The following CFAP61 variants were observed in gnomAD, a reference collection of about 807,000 sequenced individuals.
CFAP61 encodes the protein cilia and flagella associated protein 61, also known as cilia- and flagella-associated protein 61.
Under a neutral mutation model 135.6 loss-of-function variants are expected in CFAP61, and 107 were observed. That is an observed-to-expected ratio of 0.79 (90% CI 0.67 to 0.93). The LOEUF is 0.93. CFAP61 is among the 40% of genes least tolerant of loss of function. The pLI is 0.00. For synonymous variants in CFAP61, 575 were observed against 578.5 expected, an observed-to-expected ratio of 0.99 and a Z score of 0.09; for missense variants, 1,507 against 1,556.2, an observed-to-expected ratio of 0.97 and a Z score of 0.53.
intron 8 of CFAP61, among the ~76,000 whole-genome samples, chr20:20,128,337 C>T (rs892962323): frequency 1.3e-5 from 2 of 151,752 alleles, no homozygotes; most frequent in Admixed American, 1.3e-4. Flanking sequence ...TGCCTGGGAA[C>T]CCAGCGAGTT....
intron 25 of CFAP61, among the ~76,000 whole-genome samples, chr20:20,323,587 C>T (rs1166956228): frequency 1.3e-5 from 2 of 152,162 alleles, no homozygotes; most frequent in East Asian, 3.8e-4. Flanking sequence ...TGCACAGAGC[C>T]AGTATCCAAA....
At chr20:20,085,741 A>G (rs2046756970) in intron 6 of CFAP61, among the ~76,000 whole-genome samples, 1 of 152,186 alleles carries the variant, frequency 6.6e-6, no homozygotes, top group African/African-American at 2.4e-5. Flanking sequence ...TTATTGAATT[A>G]TTTTTCCATT....
At chr20:20,135,780 T>C (rs55647212) in intron 8 of CFAP61, among the ~76,000 whole-genome samples, 19,245 of 152,218 alleles carry the variant, frequency 0.13, 1,389 homozygotes, top group Non-Finnish European at 0.15. Flanking sequence ...CATACCATAA[T>C]TACAGTGTTA....
At chr20:20,087,014 A>G (rs1003678685) in intron 6 of CFAP61, among the ~76,000 whole-genome samples, 2 of 152,212 alleles carry the variant, frequency 1.3e-5, no homozygotes, top group African/African-American at 4.8e-5. Flanking sequence ...GTCTCCTTCT[A>G]GAGACAATAA....
At chr20:20,241,567 A>G (rs2050016315) in intron 18 of CFAP61, among the ~76,000 whole-genome samples, 1 of 152,224 alleles carries the variant, frequency 6.6e-6, no homozygotes, top group Admixed American at 6.5e-5. Context: ...GGTAATTTAT[A>G]AATCATCTGA....
chr20:20,355,688 C>G (rs2059092130), intron 26 of CFAP61, among the ~76,000 whole-genome samples: 3 of 130,590 alleles, frequency 2.3e-5, no homozygotes, highest in Non-Finnish European at 3.2e-5. Context: ...GGGAGGTGGT[C>G]ACACTGTGAG....
intron 2 of CFAP61, among the ~76,000 whole-genome samples, chr20:20,063,294 C>G (rs569175579): frequency 1.3e-5 from 2 of 152,022 alleles, no homozygotes; most frequent in Non-Finnish European, 2.9e-5. Context: ...GGAAAGTTAA[C>G]GGCCAATCTC....
At chr20:20,335,569 A>T (rs2058156373) in intron 25 of CFAP61, among the ~76,000 whole-genome samples, 1 of 152,176 alleles carries the variant, frequency 6.6e-6, no homozygotes, top group African/African-American at 2.4e-5. Flanking sequence ...CCCATACTTC[A>T]TCCCAGAACA....
chr20:20,173,275 G>C (rs746635751), intron 13 of CFAP61, among the ~76,000 whole-genome samples: 1 of 152,170 alleles, frequency 6.6e-6, no homozygotes, highest in Non-Finnish European at 1.5e-5. Flanking sequence ...AAAGTTTTCA[G>C]CTCATTTAGA....
intron 2 of CFAP61, among the ~76,000 whole-genome samples, chr20:20,068,264 A>C (rs16981514): frequency 0.08 from 12,120 of 152,200 alleles, 1,343 homozygotes; most frequent in East Asian, 0.6. Context: ...CGTCTTGTGC[A>C]TTTTCTCATC....
At chr20:20,339,039 G>A (rs992667057) in intron 25 of CFAP61, among the ~76,000 whole-genome samples, 4 of 152,144 alleles carry the variant, frequency 2.6e-5, no homozygotes, top group Admixed American at 2.0e-4. Flanking sequence ...GTCTTGAAGA[G>A]GTATAACTTT....
In CFAP61 at chr20:20,360,116, C is replaced by G. The variant is rs143222097; in HGVS notation, c.3514-94C>G. On this transcript the variant is annotated intron_variant, in intron 26 of 26. Coordinates refer to ENST00000245957, the MANE Select transcript of CFAP61 (RefSeq NM_015585.4). ...AAAAAAAATGACCATCCTTGCAGAG[C>G]TGACTACTGTTGTTTTCATTCTCAT... 27 of 918,358 alleles carry G rather than the reference C, an allele frequency of 2.9e-5. No homozygotes were observed. In the African/African-American group the frequency reaches 4.3e-4, roughly 15 times the overall value. 56.9% of individuals were successfully genotyped at this position (918,358 alleles called of 1,614,324 possible).
chr20:20,234,205 AC>A (rs2049394996), intron 18 of CFAP61, among the ~76,000 whole-genome samples: 1 of 152,072 alleles, frequency 6.6e-6, no homozygotes, highest in Non-Finnish European at 1.5e-5. Flanking sequence ...GCCAAAAGAC[AC>A]CCTTGTCAGT....
At chr20:20,300,998 G>A (rs2056050682) in intron 25 of CFAP61, among the ~76,000 whole-genome samples, 1 of 152,102 alleles carries the variant, frequency 6.6e-6, no homozygotes, top group Non-Finnish European at 1.5e-5. Flanking sequence ...GTAAGCACAG[G>A]TTAACTTATT....
At chr20:20,233,246 G>C (rs1010971647) in intron 18 of CFAP61, among the ~76,000 whole-genome samples, 3 of 152,204 alleles carry the variant, frequency 2.0e-5, no homozygotes, top group Admixed American at 2.0e-4. Flanking sequence ...GAAACCTTCA[G>C]TGTGGCCTGT....
Position 20,124,943 on chromosome 20 carries a change from C to G in CFAP61, c.860-17914C>G, listed in dbSNP as rs146333484. Among the ~76,000 whole-genome samples the G allele has an allele frequency of 1.3e-4, 20 of 151,816 alleles. No homozygotes were observed. In the East Asian group the frequency reaches 3.3e-3, roughly 25 times the overall value. Reference sequence around the variant, plus strand: ...GGTATCTAATTCTTCCTGATTTAAGCTAGGAGGGTTTTATCTTTCCAGGAA... The same window carrying G: ...GGTATCTAATTCTTCCTGATTTAAGGTAGGAGGGTTTTATCTTTCCAGGAA... On this transcript the variant is annotated intron_variant, in intron 8 of 26. Coordinates refer to ENST00000245957, the MANE Select transcript of CFAP61 (RefSeq NM_015585.4).
At chr20:20,288,504 A>G (rs1379511750) in intron 22 of CFAP61, 105 bp from the exon 23 acceptor site, 8 of 864,596 alleles carry the variant, frequency 9.3e-6, no homozygotes, top group Non-Finnish European at 1.5e-5. Flanking sequence ...TAGTATGTGT[A>G]TTTTTGTGCC....
chr20:20,134,419 C>T (rs1430312030), intron 8 of CFAP61, among the ~76,000 whole-genome samples: 2 of 152,114 alleles, frequency 1.3e-5, no homozygotes, highest in Non-Finnish European at 2.9e-5. Flanking sequence ...AGAACTGAGG[C>T]CAGGCAATCA....
intron 13 of CFAP61, among the ~76,000 whole-genome samples, chr20:20,177,609 G>A (rs2054730555): frequency 6.6e-6 from 1 of 151,570 alleles, no homozygotes; most frequent in South Asian, 2.1e-4. Flanking sequence ...GCATACATGT[G>A]CCAGCTTTAT....
Sources: allele counts gnomAD v4.1 joint callset (sites outside exome capture counted in the v4.1 genomes callset), GRCh38; gene constraint gnomAD v4.1.1; transcripts MANE v1.5; gene names NCBI Gene and HGNC (gene_info 2026-07-23, HGNC 2026-07-21).